ACACA: variants seen among roughly 807,000 people sequenced by gnomAD.
ACACA encodes the protein acetyl-CoA carboxylase 1.
ACACA carries 103 observed loss-of-function variants against 296.1 expected under a neutral mutation model. The observed-to-expected ratio is 0.35, with a 90% CI of 0.30 to 0.41. The LOEUF is 0.41. Ranked by LOEUF, ACACA falls within the 10% of genes least tolerant of loss-of-function variation. ACACA has a pLI of 1.00. For synonymous variants in ACACA, 953 were observed against 1,038.6 expected, an observed-to-expected ratio of 0.92 and a Z score of 1.58; for missense variants, 1,554 against 2,989.7, an observed-to-expected ratio of 0.52 and a Z score of 11.20.
chr17:37,312,884 CA>C (rs1046855394), intron 3 of ACACA, among the ~76,000 whole-genome samples: 3 of 151,002 alleles, frequency 2.0e-5, no homozygotes, highest in African/African-American at 4.9e-5. Context: ...TTTAAAGAAA[CA>C]AAAAAAATAT....
chr17:37,348,419 A>C (rs537347544), intron 1 of ACACA, among the ~76,000 whole-genome samples: 31 of 152,284 alleles, frequency 2.0e-4, no homozygotes, highest in African/African-American at 7.0e-4. Context: ...AAAAGATCCT[A>C]CAAGCTTCCT....
chr17:37,318,205 A>G (rs1308913639), intron 3 of ACACA, among the ~76,000 whole-genome samples: 2 of 152,200 alleles, frequency 1.3e-5, no homozygotes, highest in Admixed American at 6.5e-5. Context: ...ACCAATAGAT[A>G]GGAAGCAGGA....
intron 41 of ACACA, among the ~76,000 whole-genome samples, chr17:37,166,686 A>G (rs2076680718): frequency 6.6e-6 from 1 of 152,160 alleles, no homozygotes; most frequent in Non-Finnish European, 1.5e-5. Context: ...CTTGGTTCAA[A>G]TCTCAGTTTT....
intron 29 of ACACA, among the ~76,000 whole-genome samples, chr17:37,211,291 G>A (rs1049963087): frequency 6.6e-6 from 1 of 152,108 alleles, no homozygotes; most frequent in Non-Finnish European, 1.5e-5. Flanking sequence ...ATCTAAATTT[G>A]ACTACCACAG....
chr17:37,220,040 G>A (rs909735292), intron 29 of ACACA, among the ~76,000 whole-genome samples: 5 of 152,088 alleles, frequency 3.3e-5, no homozygotes, highest in Non-Finnish European at 7.3e-5. Context: ...GAGACTTCAG[G>A]GAGATTACAG....
chr17:37,376,168 C>T (rs751174928), intron 1 of ACACA: 9 of 1,597,882 alleles, frequency 5.6e-6, no homozygotes, highest in Non-Finnish European at 7.7e-6. Flanking sequence ...ATTCTCTAGC[C>T]TAATCTCCTG....
intron 19 of ACACA, among the ~76,000 whole-genome samples, chr17:37,245,490 C>T (rs1194952952): frequency 6.6e-6 from 1 of 152,146 alleles, no homozygotes; most frequent in Non-Finnish European, 1.5e-5. Flanking sequence ...TTGTTTTGTA[C>T]TTAGAAAGTA....
intron 29 of ACACA, chr17:37,221,480 C>T: frequency 1.9e-6 from 1 of 534,362 alleles, no homozygotes. Flanking sequence ...ACTATTTCCT[C>T]AGTGACATAA....
At chr17:37,344,414 G>A (rs895516508) in intron 1 of ACACA, among the ~76,000 whole-genome samples, 2 of 151,490 alleles carry the variant, frequency 1.3e-5, no homozygotes, top group African/African-American at 4.9e-5. Flanking sequence ...AAAAATTAGC[G>A]GGGCGTGGTG....
chr17:37,256,370 T>C (rs1452735282), intron 14 of ACACA, among the ~76,000 whole-genome samples: 3 of 152,196 alleles, frequency 2.0e-5, no homozygotes, highest in African/African-American at 4.8e-5. Context: ...ATTCCACTTA[T>C]AGTTTTGAAG....
At chr17:37,129,213 T>C (rs2074970894) in intron 47 of ACACA, 152 bp downstream of exon 47, 1 of 1,042,510 alleles carries the variant, frequency 9.6e-7, no homozygotes, top group Non-Finnish European at 1.4e-6. Context: ...CACCTTTTTC[T>C]TCAGAGGGCT....
At chr17:37,367,713 C>T (rs768911663) in intron 1 of ACACA, 2 of 152,122 alleles carry the variant, frequency 1.3e-5, no homozygotes, top group African/African-American at 2.4e-5. Context: ...TGTTCCTTTC[C>T]TTTCATTTCC....
At chr17:37,179,127 C>CA in intron 41 of ACACA, 133 bp downstream of exon 41, 1 of 1,109,294 alleles carries the variant, frequency 9.0e-7, no homozygotes, top group Non-Finnish European at 1.3e-6. Context: ...TCTTGATACT[C>CA]AGTCAATGCT....
At chr17:37,291,283 C>G (rs1454136198) in intron 3 of ACACA, among the ~76,000 whole-genome samples, 8 of 151,866 alleles carry the variant, frequency 5.3e-5, no homozygotes, top group African/African-American at 1.5e-4. Context: ...TCAAGCGATT[C>G]TCCTGCCTCA....
intron 45 of ACACA, among the ~76,000 whole-genome samples, chr17:37,134,491 A>G (rs549910967): frequency 7.0e-4 from 106 of 152,198 alleles, no homozygotes; most frequent in Non-Finnish European, 1.3e-3. Flanking sequence ...TTTTTTAAAA[A>G]TTGCCTTTGT....
intron 3 of ACACA, among the ~76,000 whole-genome samples, chr17:37,312,636 G>A (rs1042559082): frequency 2.6e-5 from 4 of 152,188 alleles, no homozygotes; most frequent in African/African-American, 4.8e-5. Flanking sequence ...GTGAAACAGG[G>A]AGAGACTAAA....
rs1286150197 is a variant in ACACA, at chr17:37,091,150, C to T, written c.6892-2076G>A. On this transcript the variant is annotated intron_variant, in intron 54 of 55. Coordinates refer to ENST00000616317, the MANE Select transcript of ACACA (RefSeq NM_198834.3). ...TAGCTAACGAGATGCCTGCTTCCAA[C>T]AATGCTCAGACACTACACTGGAAAG... Among the ~76,000 whole-genome samples, 7 of 152,332 alleles carry T rather than the reference C, an allele frequency of 4.6e-5. No individual in the cohort carries two copies. The East Asian group carries it at 1.4e-3, about 29-fold the overall frequency.
chr17:37,110,017 C>A (rs2073897200), intron 52 of ACACA, among the ~76,000 whole-genome samples: 1 of 151,234 alleles, frequency 6.6e-6, no homozygotes, highest in African/African-American at 2.4e-5. Context: ...GGGCAGTGAT[C>A]CAGAAGAAGA....
intron 16 of ACACA, 90 bp from the exon 17 acceptor site, chr17:37,248,764 TA>T (rs2080840094): frequency 6.2e-6 from 6 of 962,222 alleles, no homozygotes; most frequent in Non-Finnish European, 9.9e-6. Flanking sequence ...TTTCCTAGAA[TA>T]ACAAAAGACT....
Sources: gnomAD v4.1 joint callset for allele counts (sites outside exome capture counted in the v4.1 genomes callset) on GRCh38, gnomAD v4.1.1 for gene constraint, MANE v1.5 for transcripts, NCBI Gene and HGNC (gene_info 2026-07-23, HGNC 2026-07-21) for gene names.